The following CDH18 variants were observed in gnomAD, a reference collection of about 807,000 sequenced individuals.
CDH18 encodes the protein cadherin 18.
Under a neutral mutation model 67.9 loss-of-function variants are expected in CDH18, and 31 were observed. The ratio of observed to expected loss-of-function variants is 0.46; its 90% confidence interval spans 0.34 to 0.62. The LOEUF (loss-of-function observed/expected upper bound fraction) is 0.62. CDH18 is among the 20% of genes least tolerant of loss of function. CDH18 has a pLI of 0.01. For missense variants in CDH18, 890 were observed against 975.5 expected (o/e 0.91, Z 1.17); for synonymous variants, 362 against 347.2 (o/e 1.04, Z -0.48).
Position 19,883,447 on chromosome 5 carries a change from T to TTA in CDH18, c.-256-44206_-256-44205insTA, listed in dbSNP as rs534838225. 6.9e-4 allele frequency among the ~76,000 whole-genome samples: 105 copies of TTA among 151,672 alleles called. 1 individual carries two copies. In the South Asian group the frequency reaches 0.021, roughly 30 times the overall value. On this transcript the variant is annotated intron_variant, in intron 2 of 12. Coordinates refer to ENST00000382275, the MANE Select transcript of CDH18 (RefSeq NM_004934.5). ...ATTGATTGTTTACTACATCAACATT[T>TTA]TTTTTTTTTTGGTAGGGCTTTGTGA...
intron 2 of CDH18, among the ~76,000 whole-genome samples, chr5:20,094,029 A>G (rs1216642125): frequency 6.6e-6 from 1 of 152,196 alleles, no homozygotes; most frequent in African/African-American, 2.4e-5. Context: ...CAAGAAAACA[A>G]AAATTCAGGA....
intron 2 of CDH18, among the ~76,000 whole-genome samples, chr5:20,211,564 A>T (rs1740358830): frequency 6.6e-6 from 1 of 152,184 alleles, no homozygotes; most frequent in Non-Finnish European, 1.5e-5. Context: ...AGGATCAGGC[A>T]GCAACATTTG....
intron 8 of CDH18, among the ~76,000 whole-genome samples, chr5:19,546,350 A>G (rs1354017782): frequency 6.6e-6 from 1 of 152,194 alleles, no homozygotes; most frequent in Non-Finnish European, 1.5e-5. Context: ...GGTTCAACAA[A>G]TTATTTTCTT....
chr5:19,645,969 T>C (rs1313786309), intron 5 of CDH18, among the ~76,000 whole-genome samples: 1 of 152,146 alleles, frequency 6.6e-6, no homozygotes, highest in African/African-American at 2.4e-5. Context: ...TTGCGAAGAA[T>C]ACAATATATG....
intron 1 of CDH18, among the ~76,000 whole-genome samples, chr5:20,431,412 G>A (rs1271244222): frequency 6.8e-6 from 1 of 146,512 alleles, no homozygotes; most frequent in East Asian, 2.1e-4. Context: ...AGAATTGTTT[G>A]AACCCAGAAA....
chr5:20,494,441 ATGAC>A (rs1353621534), intron 1 of CDH18, among the ~76,000 whole-genome samples: 1 of 152,094 alleles, frequency 6.6e-6, no homozygotes, highest in East Asian at 1.9e-4. Flanking sequence ...AGGACCTTAC[ATGAC>A]TGTACAGGAA....
At chr5:19,556,683 G>C (rs452207) in intron 8 of CDH18, among the ~76,000 whole-genome samples, 1 of 151,946 alleles carries the variant, frequency 6.6e-6, no homozygotes, top group Non-Finnish European at 1.5e-5. Flanking sequence ...GAGAAATATA[G>C]GAGTTTGGAA....
At chr5:19,832,962 C>T (rs1043370356) in intron 3 of CDH18, among the ~76,000 whole-genome samples, 1 of 152,030 alleles carries the variant, frequency 6.6e-6, no homozygotes, top group African/African-American at 2.4e-5. Flanking sequence ...TAATGTGATG[C>T]CTCTAGCTTT....
intron 5 of CDH18, among the ~76,000 whole-genome samples, chr5:19,712,250 T>C (rs1049054058): frequency 6.6e-6 from 1 of 152,034 alleles, no homozygotes; most frequent in Non-Finnish European, 1.5e-5. Context: ...TTCACCACTA[T>C]ATATCCATGT....
At position 19,579,720 on chromosome 5, in the gene CDH18, T is replaced by C. The variant is rs568174996; in HGVS notation, c.1000-7888A>G. The stretch of plus-strand genomic sequence containing the variant: ...AATTTTTTTTAAACTTACAATCCTA[T>C]GTTCTTAGGAAAAGAGGTATTGTTT... On this transcript the variant is annotated intron_variant, in intron 7 of 12. Transcript: ENST00000382275. Among the ~76,000 whole-genome samples the C allele has an allele frequency of 2.6e-5, 4 of 151,916 alleles. No homozygotes were observed. In the East Asian group the frequency reaches 7.7e-4, roughly 29 times the overall value.
At chr5:20,317,040 A>G (rs1737528482) in intron 1 of CDH18, among the ~76,000 whole-genome samples, 1 of 152,078 alleles carries the variant, frequency 6.6e-6, no homozygotes, top group Non-Finnish European at 1.5e-5. Flanking sequence ...CAAGGCTTAT[A>G]CAGAAAAATT....
chr5:20,242,608 A>AT lies in CDH18; in HGVS notation c.-518+12835_-518+12836insA, dbSNP rs1561905802. On this transcript the variant is annotated intron_variant, in intron 2 of 14. Coordinates refer to the CDH18 transcript ENST00000507958. The stretch of plus-strand genomic sequence containing the variant: ...GGTTTCATTGAGGGAAAAAAAAAAA[A>AT]AAAATATATATATATATATATATAT... Among the ~76,000 whole-genome samples, 14 of 16,326 alleles carry AT rather than the reference A, an allele frequency of 8.6e-4. 1 individual carries two copies. In the East Asian group the frequency reaches 0.034, roughly 39 times the overall value. 10.7% of individuals were successfully genotyped at this position (16,326 alleles called of 152,430 possible).
At chr5:20,071,820 C>A (rs759139150) in intron 2 of CDH18, among the ~76,000 whole-genome samples, 19 of 152,072 alleles carry the variant, frequency 1.2e-4, no homozygotes, top group Non-Finnish European at 2.5e-4. Context: ...AACCTTTTGA[C>A]ATACCAAGTG....
chr5:20,273,079 T>C (rs1329690662), intron 1 of CDH18, among the ~76,000 whole-genome samples: 1 of 152,124 alleles, frequency 6.6e-6, no homozygotes, highest in Non-Finnish European at 1.5e-5. Context: ...AATTTCCATC[T>C]CTATTCATAT....
intron 1 of CDH18, among the ~76,000 whole-genome samples, chr5:20,463,420 T>C (rs771023749): frequency 2.0e-5 from 3 of 152,076 alleles, no homozygotes; most frequent in Admixed American, 6.6e-5. Flanking sequence ...GGGTAATTTA[T>C]AAAGAAATTA....
At position 20,133,881 on chromosome 5, in the gene CDH18, C is replaced by T. The variant is rs546430356; in HGVS notation, c.-518+121563G>A. ...TAGAAAGTTCTTTGACATTATCATTCGAAAAATTTATTCTGTTCTGCTCTC... is the reference window on the plus strand; with the variant it reads ...TAGAAAGTTCTTTGACATTATCATTTGAAAAATTTATTCTGTTCTGCTCTC... On this transcript the variant is annotated intron_variant, in intron 2 of 14. Transcript: ENST00000507958. Among the ~76,000 whole-genome samples the T allele has an allele frequency of 1.6e-4, 24 of 152,188 alleles. No individual in the cohort carries two copies. In the East Asian group the frequency reaches 4.1e-3, roughly 26 times the overall value.
chr5:19,824,048 T>C lies in CDH18; in HGVS notation c.228+14711A>G, dbSNP rs563984377. On this transcript the variant is annotated intron_variant, in intron 3 of 12. Coordinates refer to ENST00000382275, the MANE Select transcript of CDH18 (RefSeq NM_004934.5). ...GGGGAAATAGAAATACAAAAAAAAA[T>C]AAAAAATAAAAGAATCCCAAAACTA... is the stretch of plus-strand genomic sequence containing the variant. Among the ~76,000 whole-genome samples, 4 of 150,622 alleles carry C rather than the reference T, an allele frequency of 2.7e-5. No homozygotes were observed. The South Asian group carries it at 8.4e-4, about 32-fold the overall frequency.
At chr5:19,883,189 A>T (rs1787845254) in intron 2 of CDH18, among the ~76,000 whole-genome samples, 1 of 152,182 alleles carries the variant, frequency 6.6e-6, no homozygotes, top group Admixed American at 6.6e-5. Flanking sequence ...ATTTTAAATA[A>T]GCTTTTCAGA....
At chr5:19,909,471 G>T (rs953064353) in intron 2 of CDH18, among the ~76,000 whole-genome samples, 9 of 151,618 alleles carry the variant, frequency 5.9e-5, no homozygotes, top group Admixed American at 1.3e-4. Context: ...GGCTAATTTT[G>T]TATTTTTAGT....
Sources: gnomAD v4.1 joint callset for allele counts (sites outside exome capture counted in the v4.1 genomes callset) on GRCh38, gnomAD v4.1.1 for gene constraint, MANE v1.5 for transcripts, NCBI Gene and HGNC (gene_info 2026-07-23, HGNC 2026-07-21) for gene names.